MYO9A: variants seen among roughly 807,000 people sequenced by gnomAD.
MYO9A encodes the protein myosin IXA, also known as unconventional myosin-IXa.
Under a neutral mutation model 293.3 loss-of-function variants are expected in MYO9A, and 103 were observed. The observed-to-expected ratio is 0.35, with a 90% CI of 0.30 to 0.41. The LOEUF (loss-of-function observed/expected upper bound fraction) is 0.41, where lower values mean the gene tolerates loss of function less well. MYO9A is among the 10% of genes least tolerant of loss of function. The probability of loss-of-function intolerance (pLI) is 1.00; values close to 1 mark genes in which losing one functional copy is unlikely to be tolerated. For synonymous variants in MYO9A, 1,001 were observed against 1,035.7 expected, an observed-to-expected ratio of 0.97 and a Z score of 0.64; for missense variants, 2,685 against 3,033.0, an observed-to-expected ratio of 0.89 and a Z score of 2.69.
chr15:72,094,449 C>A (rs1218778682), intron 1 of MYO9A, among the ~76,000 whole-genome samples: 2 of 90,944 alleles, frequency 2.2e-5, no homozygotes, highest in African/African-American at 5.2e-5. Context: ...GTGCTCACTT[C>A]GTGTCTCTGT....
intron 6 of MYO9A, among the ~76,000 whole-genome samples, chr15:72,015,871 G>A (rs1194792174): frequency 6.6e-6 from 1 of 151,786 alleles, no homozygotes. Flanking sequence ...GTATTTTTTA[G>A]TAGAGACGGG....
Position 71,916,408 on chromosome 15 carries a change from T to C in MYO9A, c.2647A>G (p.Lys883Glu). 6.2e-7 allele frequency: 1 copy of C among 1,613,568 alleles called. No homozygotes were observed. The change falls in exon 19 of 42, where the codon AAG becomes GAG. Residue 883 changes from lysine (K) to glutamate (E), a missense_variant. This residue lies in a region of MYO9A where 1,434 missense variants were observed against 1,497.7 expected (regional missense o/e 0.96). Transcript: ENST00000356056. ...CTGATGCTGGGAGGTTTTTTCTTCT[T>C]GTGTAAATGAAGAAGAGACTTGGTA... ...RITKSLLHLH[K>E]KKKPPSISAQ...
At chr15:71,908,971 G>GT (rs1211778625) in intron 19 of MYO9A, among the ~76,000 whole-genome samples, 1 of 151,678 alleles carries the variant, frequency 6.6e-6, no homozygotes, top group African/African-American at 2.4e-5. Flanking sequence ...CCATAGTTTT[G>GT]TTTTTTCCAG....
rs771100635 is a variant in MYO9A, at chr15:71,899,713, T to C, written c.3444A>G (p.Thr1148=). The C allele has an allele frequency of 5.6e-6, 9 of 1,613,702 alleles. No homozygotes were observed. Among genetic ancestry groups the C allele is most frequent in the South Asian group, 4.4e-5 (4 of 91,070 alleles). ...QRKKIILLQS[T]CRGFRARQRF... Reference sequence around the variant, plus strand: ...TTTGTCTTGCTCTGAATCCTCTACATGTTGATTGCAAAAGGATAATTTTTT... The same window carrying C: ...TTTGTCTTGCTCTGAATCCTCTACACGTTGATTGCAAAAGGATAATTTTTT... The change falls in exon 24 of 42, where the codon ACA becomes ACG. Residue 1148 remains threonine (T), a synonymous_variant. Transcript: ENST00000356056.
At chr15:71,930,518 T>C (rs570350986) in intron 18 of MYO9A, among the ~76,000 whole-genome samples, 32 of 152,326 alleles carry the variant, frequency 2.1e-4, no homozygotes, top group Admixed American at 9.8e-4. Context: ...TAACTACTGT[T>C]GCTCTCTTTA....
chr15:71,915,775 G>A (rs891822086), intron 19 of MYO9A, among the ~76,000 whole-genome samples: 14 of 152,140 alleles, frequency 9.2e-5, no homozygotes, highest in African/African-American at 3.1e-4. Context: ...CAGATATTTT[G>A]CTTACTTTCA....
intron 35 of MYO9A, 62 bp downstream of exon 35, chr15:71,854,315 G>A (rs2055777277): frequency 2.4e-6 from 3 of 1,257,552 alleles, no homozygotes; most frequent in African/African-American, 3.1e-5. Context: ...AAAACTTTAA[G>A]AGCATGAAAG....
chr15:71,878,317 A>G (rs1315472470), intron 30 of MYO9A, 86 bp from the exon 31 acceptor site: 2 of 920,046 alleles, frequency 2.2e-6, no homozygotes, highest in Non-Finnish European at 3.1e-6. Flanking sequence ...ATGGGGTAGT[A>G]TTTAGAATAA....
At chr15:71,865,306 A>AT (rs2056285564) in intron 32 of MYO9A, among the ~76,000 whole-genome samples, 1 of 152,182 alleles carries the variant, frequency 6.6e-6, no homozygotes, top group African/African-American at 2.4e-5. Context: ...AGTAAAAATA[A>AT]TGTTCTGTGA....
At chr15:71,959,770 T>C in intron 14 of MYO9A, 131 bp downstream of exon 14, 1 of 761,390 alleles carries the variant, frequency 1.3e-6, no homozygotes, top group South Asian at 1.9e-5. Context: ...GACACTAGAT[T>C]GACTACAGAA....
In MYO9A at chr15:71,903,978, T is replaced by C; in HGVS notation, c.2828A>G (p.Glu943Gly). 1 of 1,614,134 alleles carries C rather than the reference T, an allele frequency of 6.2e-7. No homozygotes were observed. Among genetic ancestry groups the C allele is most frequent in the Non-Finnish European group, 8.5e-7 (1 of 1,180,010 alleles). ...TCCTGATTGGCGAATTCGAACTGTT[T>C]CCAGCATCCCGGTGTATCGAAGCTG... ...LRQLRYTGML[E>G]TVRIRQSGYS... is the part of the protein sequence containing the mutation. Residue 943 changes from glutamate (E) to glycine (G), a missense_variant, in exon 21 of 42, where the codon GAA becomes GGA. Glu to Gly is a moderately conservative substitution (Grantham distance 98). Transcript: ENST00000356056.
intron 19 of MYO9A, among the ~76,000 whole-genome samples, chr15:71,908,153 T>G (rs2057722977): frequency 6.6e-6 from 1 of 152,216 alleles, no homozygotes; most frequent in African/African-American, 2.4e-5. Context: ...AGTTTCAGCT[T>G]TCTACATATG....
chr15:72,080,232 A>C (rs1002329531), intron 1 of MYO9A, among the ~76,000 whole-genome samples: 2 of 152,176 alleles, frequency 1.3e-5, no homozygotes, highest in Non-Finnish European at 2.9e-5. Flanking sequence ...ATAAGGAAGA[A>C]AACTGGTCTG....
intron 3 of MYO9A, among the ~76,000 whole-genome samples, chr15:72,028,213 A>AT (rs1491270814): frequency 4.1e-4 from 23 of 56,128 alleles, no homozygotes; most frequent in Non-Finnish European, 5.5e-4. Context: ...ATAAATAAAT[A>AT]AATAAATATA....
chr15:72,104,563 G>A (rs1487813045), intron 1 of MYO9A, among the ~76,000 whole-genome samples: 1 of 152,170 alleles, frequency 6.6e-6, no homozygotes, highest in Non-Finnish European at 1.5e-5. Flanking sequence ...CATGGTAGAT[G>A]CTCAAATATT....
intron 12 of MYO9A, among the ~76,000 whole-genome samples, chr15:71,973,220 C>T (rs571438478): frequency 3.3e-5 from 5 of 152,196 alleles, no homozygotes; most frequent in South Asian, 2.1e-4. Context: ...AAGGGCAAAA[C>T]GAAGTAACTG....
At chr15:72,086,993 C>T (rs567348993) in intron 1 of MYO9A, among the ~76,000 whole-genome samples, 2 of 152,184 alleles carry the variant, frequency 1.3e-5, no homozygotes, top group Non-Finnish European at 2.9e-5. Flanking sequence ...GTCAAACTCC[C>T]GACCTCAGGT....
At chr15:71,951,139 G>T (rs1460531556) in intron 15 of MYO9A, among the ~76,000 whole-genome samples, 2 of 152,164 alleles carry the variant, frequency 1.3e-5, no homozygotes, top group African/African-American at 2.4e-5. Context: ...TAATGCGGTG[G>T]TTTTGCTCTA....
intron 33 of MYO9A, among the ~76,000 whole-genome samples, chr15:71,860,457 C>T (rs1446603215): frequency 6.6e-6 from 1 of 152,106 alleles, no homozygotes; most frequent in African/African-American, 2.4e-5. Context: ...CAGGAAGAGG[C>T]ACATTTAGAG....
Sources: allele counts gnomAD v4.1 joint callset (sites outside exome capture counted in the v4.1 genomes callset), GRCh38; gene constraint gnomAD v4.1.1; regional missense constraint gnomAD v4.1.1; transcripts MANE v1.5; gene names NCBI Gene and HGNC (gene_info 2026-07-23, HGNC 2026-07-21).